Variants in TFEC observed in about 807,000 individuals in gnomAD.
TFEC encodes the protein transcription factor EC.
Under a neutral mutation model 41.6 loss-of-function variants are expected in TFEC, and 31 were observed. The ratio of observed to expected loss-of-function variants is 0.74; its 90% confidence interval spans 0.56 to 1.01. The LOEUF (loss-of-function observed/expected upper bound fraction) is 1.01, where lower values mean the gene tolerates loss of function less well. Ranked by LOEUF, TFEC falls within the 50% of genes least tolerant of loss-of-function variation. The pLI is 0.00. For synonymous variants in TFEC, 143 were observed against 140.6 expected (o/e 1.02, Z -0.12); for missense variants, 402 against 404.1 (o/e 0.99, Z 0.04).
chr7:116,123,865 G>A (rs1237403372), intron 1 of TFEC, among the ~76,000 whole-genome samples: 4 of 152,044 alleles, frequency 2.6e-5, no homozygotes, highest in Non-Finnish European at 1.5e-5. Flanking sequence ...GTCTGCAAAG[G>A]AAGTTCCATG....
intron 6 of TFEC, among the ~76,000 whole-genome samples, chr7:115,944,102 C>T (rs1340144614): frequency 7.9e-6 from 1 of 126,786 alleles, no homozygotes; most frequent in African/African-American, 3.0e-5. Flanking sequence ...TCTACACCAA[C>T]TATCATTCTT....
intron 1 of TFEC, among the ~76,000 whole-genome samples, chr7:116,005,738 A>G (rs1794763754): frequency 6.6e-6 from 1 of 152,202 alleles, no homozygotes; most frequent in South Asian, 2.1e-4. Context: ...GTTAATCACC[A>G]AGACGATGGG....
intron 1 of TFEC, among the ~76,000 whole-genome samples, chr7:115,999,184 A>G (rs1439579395): frequency 6.6e-6 from 1 of 152,020 alleles, no homozygotes; most frequent in African/African-American, 2.4e-5. Context: ...CAACAACAAA[A>G]GGAATCTTGG....
intron 1 of TFEC, among the ~76,000 whole-genome samples, chr7:116,130,773 A>G (rs984520494): frequency 6.6e-6 from 1 of 152,064 alleles, no homozygotes; most frequent in African/African-American, 2.4e-5. Flanking sequence ...CCACCATGCC[A>G]GACTAATTTT....
intron 5 of TFEC, among the ~76,000 whole-genome samples, chr7:115,951,918 A>C (rs1261522505): frequency 6.6e-6 from 1 of 152,090 alleles, no homozygotes; most frequent in Non-Finnish European, 1.5e-5. Flanking sequence ...AATATCAAGA[A>C]CCATAACATA....
intron 3 of TFEC, among the ~76,000 whole-genome samples, chr7:116,101,739 C>A (rs2046958492): frequency 6.6e-6 from 1 of 152,032 alleles, no homozygotes; most frequent in Admixed American, 6.6e-5. Context: ...TATTAAAAGG[C>A]ATTAAGTTAT....
chr7:116,029,909 A>T (rs910123388), intron 1 of TFEC, among the ~76,000 whole-genome samples: 1 of 151,502 alleles, frequency 6.6e-6, no homozygotes, highest in Non-Finnish European at 1.5e-5. Context: ...AGATACAAAA[A>T]AAAAAAATTA....
intron 1 of TFEC, among the ~76,000 whole-genome samples, chr7:116,125,090 A>G (rs1253826048): frequency 6.6e-6 from 1 of 152,232 alleles, no homozygotes; most frequent in Non-Finnish European, 1.5e-5. Flanking sequence ...AGTACAAAGT[A>G]AATCCATTAC....
At chr7:116,131,733 T>A (rs993142461) in intron 1 of TFEC, among the ~76,000 whole-genome samples, 1 of 152,184 alleles carries the variant, frequency 6.6e-6, no homozygotes, top group Non-Finnish European at 1.5e-5. Context: ...GTTTCTATCA[T>A]CATCTCCACT....
chr7:116,087,647 C>G (rs1180609892), intron 3 of TFEC, among the ~76,000 whole-genome samples: 1 of 152,006 alleles, frequency 6.6e-6, no homozygotes, highest in Non-Finnish European at 1.5e-5. Flanking sequence ...TTAACATCAC[C>G]TTTGCCAGGC....
intron 3 of TFEC, among the ~76,000 whole-genome samples, chr7:115,971,501 T>G (rs987889684): frequency 6.6e-6 from 1 of 151,902 alleles, no homozygotes; most frequent in African/African-American, 2.4e-5. Context: ...TATCTACCTT[T>G]TGGGGGGAAA....
intron 1 of TFEC, among the ~76,000 whole-genome samples, chr7:116,116,726 G>A (rs965861689): frequency 6.6e-6 from 1 of 151,830 alleles, no homozygotes; most frequent in African/African-American, 2.4e-5. Context: ...TCCCCAAAAT[G>A]TACAGAATTT....
chr7:116,007,759 A>G (rs1794855143), intron 1 of TFEC, among the ~76,000 whole-genome samples: 1 of 152,226 alleles, frequency 6.6e-6, no homozygotes, highest in South Asian at 2.1e-4. Flanking sequence ...TCTCTATTGT[A>G]TAAGACTGTC....
At chr7:116,061,004 T>G (rs148231887) in intron 3 of TFEC, among the ~76,000 whole-genome samples, 52 of 152,300 alleles carry the variant, frequency 3.4e-4, no homozygotes, top group Non-Finnish European at 4.7e-4. Context: ...ACTGTGTTCA[T>G]GAGTCAGAAG....
At chr7:116,151,590 T>C (rs1013539104) in intron 1 of TFEC, among the ~76,000 whole-genome samples, 3 of 152,118 alleles carry the variant, frequency 2.0e-5, no homozygotes, top group Non-Finnish European at 2.9e-5. Context: ...CTTCTCCTTG[T>C]AGTAGGGTTT....
intron 3 of TFEC, among the ~76,000 whole-genome samples, chr7:116,078,036 A>G (rs1797000860): frequency 6.6e-6 from 1 of 152,050 alleles, no homozygotes; most frequent in Non-Finnish European, 1.5e-5. Context: ...CCACAAAACA[A>G]CTATCAGTAA....
intron 3 of TFEC, among the ~76,000 whole-genome samples, chr7:116,090,058 G>T (rs1366808510): frequency 6.6e-6 from 1 of 152,102 alleles, no homozygotes; most frequent in Non-Finnish European, 1.5e-5. Flanking sequence ...GGAATTGAAA[G>T]GAAAACCCTA....
In TFEC at chr7:115,974,231, A is replaced by G. The variant is rs758577665; in HGVS notation, c.206T>C (p.Ile69Thr). 1.3e-6 allele frequency: 2 copies of G among 1,592,482 alleles called. No individual in the cohort carries two copies. Among genetic ancestry groups the G allele is most frequent in the Non-Finnish European group, 1.7e-6 (2 of 1,170,622 alleles). Residue 69 changes from isoleucine (I) to threonine (T), a missense_variant, in exon 3 of 8, where the codon ATC becomes ACC. Physicochemically the swap from Ile to Thr is moderately conservative, Grantham distance 89. Coordinates refer to ENST00000265440, the MANE Select transcript of TFEC (RefSeq NM_012252.4). ...WHMEDVIEDI[I>T]GMESSFKEEG... ...CTCTTTAAAACTTGATTCCATACCG[A>G]TTATATCCTCAATAACGTCCTCCAT...
intron 1 of TFEC, among the ~76,000 whole-genome samples, chr7:116,024,101 G>C (rs1189282987): frequency 6.6e-6 from 1 of 151,980 alleles, no homozygotes; most frequent in Non-Finnish European, 1.5e-5. Flanking sequence ...CCTTCACTTT[G>C]CCCCTTTCTT....
Sources: gnomAD v4.1 joint callset for allele counts (sites outside exome capture counted in the v4.1 genomes callset) on GRCh38, gnomAD v4.1.1 for gene constraint, MANE v1.5 for transcripts, NCBI Gene and HGNC (gene_info 2026-07-23, HGNC 2026-07-21) for gene names.